The following ACOXL variants were observed in gnomAD, a reference collection of about 807,000 sequenced individuals.
ACOXL encodes acyl-CoA oxidase like.
In ACOXL, 70 loss-of-function variants were observed where a neutral mutation model predicts 71.9. The observed-to-expected ratio is 0.97, with a 90% CI of 0.80 to 1.19. ACOXL has a LOEUF of 1.19. Among genes scored for constraint, ACOXL ranks in the 50% most tolerant of loss-of-function variants. ACOXL has a pLI of 0.00. For synonymous variants in ACOXL, 253 were observed against 281.6 expected (o/e 0.90, Z 1.02); for missense variants, 703 against 736.3 (o/e 0.95, Z 0.52).
At chr2:110,783,718 C>CACATGT (rs1458113555) in intron 2 of ACOXL, among the ~76,000 whole-genome samples, 3 of 152,182 alleles carry the variant, frequency 2.0e-5, no homozygotes, top group African/African-American at 4.8e-5. Context: ...CACATGCACA[C>CACATGT]ACATGTACAT....
At chr2:110,871,106 G>A (rs1695221313) in intron 10 of ACOXL, among the ~76,000 whole-genome samples, 1 of 152,160 alleles carries the variant, frequency 6.6e-6, no homozygotes. Flanking sequence ...GTGGTACCAA[G>A]CAGGTACTGC....
At chr2:110,905,739 G>A (rs546588728) in intron 10 of ACOXL, among the ~76,000 whole-genome samples, 10 of 152,276 alleles carry the variant, frequency 6.6e-5, no homozygotes, top group Non-Finnish European at 1.3e-4. Context: ...CTGAGTTCCA[G>A]CAGATTGCAT....
At chr2:110,843,588 A>G (rs767265378) in intron 10 of ACOXL, among the ~76,000 whole-genome samples, 5 of 152,088 alleles carry the variant, frequency 3.3e-5, no homozygotes, top group Non-Finnish European at 7.4e-5. Flanking sequence ...CAAACTTAGA[A>G]CCTACTCCTC....
chr2:110,879,087 ATAAAG>A (rs980268708), intron 10 of ACOXL, among the ~76,000 whole-genome samples: 4 of 152,090 alleles, frequency 2.6e-5, no homozygotes, highest in African/African-American at 2.4e-5. Context: ...CAAAACAAAA[ATAAAG>A]TAATAGGAAA....
intron 12 of ACOXL, among the ~76,000 whole-genome samples, chr2:110,956,408 A>C (rs138057972): frequency 1.3e-5 from 2 of 152,274 alleles, no homozygotes; most frequent in Non-Finnish European, 2.9e-5. Flanking sequence ...CTGAGAGTGC[A>C]GGGCAGCAGC....
chr2:111,110,882 T>G (rs1382151881), intron 17 of ACOXL, among the ~76,000 whole-genome samples: 1 of 152,210 alleles, frequency 6.6e-6, no homozygotes, highest in Non-Finnish European at 1.5e-5. Flanking sequence ...TTCAGATCAT[T>G]TGGGACAATG....
At chr2:110,890,745 A>C (rs1697835947) in intron 10 of ACOXL, among the ~76,000 whole-genome samples, 1 of 152,106 alleles carries the variant, frequency 6.6e-6, no homozygotes, top group South Asian at 2.1e-4. Flanking sequence ...GAGAAGTGTG[A>C]GTCTTTCAAC....
At chr2:110,985,975 C>A (rs1157354686) in intron 12 of ACOXL, among the ~76,000 whole-genome samples, 1 of 152,164 alleles carries the variant, frequency 6.6e-6, no homozygotes, top group African/African-American at 2.4e-5. Context: ...CTGTATCAAT[C>A]AAGTTCGTGG....
At chr2:110,992,408 G>C (rs1412635775) in intron 13 of ACOXL, among the ~76,000 whole-genome samples, 3 of 152,300 alleles carry the variant, frequency 2.0e-5, no homozygotes, top group Non-Finnish European at 4.4e-5. Flanking sequence ...CAGTTACTAG[G>C]GGCTCTGTCT....
At chr2:110,754,504 C>G (rs1679417438) in intron 1 of ACOXL, among the ~76,000 whole-genome samples, 1 of 152,216 alleles carries the variant, frequency 6.6e-6, no homozygotes, top group African/African-American at 2.4e-5. Context: ...CTAACCCCAG[C>G]AGCAACTGAT....
At chr2:110,756,901 GC>G (rs1197161232) in intron 1 of ACOXL, among the ~76,000 whole-genome samples, 1 of 151,440 alleles carries the variant, frequency 6.6e-6, no homozygotes, top group African/African-American at 2.4e-5. Flanking sequence ...TTTTTCTTCA[GC>G]TTTTTTTAAA....
chr2:110,911,812 A>T (rs148628578), intron 11 of ACOXL, among the ~76,000 whole-genome samples: 1 of 152,232 alleles, frequency 6.6e-6, no homozygotes, highest in East Asian at 1.9e-4. Context: ...CAAAACAAGG[A>T]TATCTAATTT....
chr2:110,958,796 C>T (rs962613496), intron 12 of ACOXL, among the ~76,000 whole-genome samples: 1 of 152,318 alleles, frequency 6.6e-6, no homozygotes, highest in South Asian at 2.1e-4. Context: ...CATCCTGGGA[C>T]ACCAAGGAGC....
chr2:110,806,293 C>T (rs987122370), intron 9 of ACOXL, among the ~76,000 whole-genome samples: 1 of 152,214 alleles, frequency 6.6e-6, no homozygotes, highest in Non-Finnish European at 1.5e-5. Context: ...CGCGGCCTGG[C>T]CTCGTGCCCG....
intron 12 of ACOXL, among the ~76,000 whole-genome samples, chr2:110,948,310 A>G (rs1051939581): frequency 6.6e-6 from 1 of 152,228 alleles, no homozygotes; most frequent in Non-Finnish European, 1.5e-5. Flanking sequence ...ATGATTGCAT[A>G]GGGAACGCTG....
At chr2:110,914,139 A>G (rs2059751439) in intron 11 of ACOXL, among the ~76,000 whole-genome samples, 1 of 152,218 alleles carries the variant, frequency 6.6e-6, no homozygotes, top group Non-Finnish European at 1.5e-5. Context: ...AAAAATATGA[A>G]TGCTGTGGTA....
chr2:110,851,886 C>G (rs751482194), intron 10 of ACOXL, among the ~76,000 whole-genome samples: 5 of 152,264 alleles, frequency 3.3e-5, no homozygotes, highest in Admixed American at 3.3e-4. Context: ...GCTCCATGTT[C>G]TGTCCTGGCC....
chr2:111,109,627 G>T (rs894811203), intron 17 of ACOXL, among the ~76,000 whole-genome samples: 1 of 144,050 alleles, frequency 6.9e-6, no homozygotes, highest in Non-Finnish European at 1.5e-5. Context: ...ATTTATCTCA[G>T]AAAATATCCC....
At chr2:110,819,729 TC>T (rs1688380917) in intron 9 of ACOXL, among the ~76,000 whole-genome samples, 1 of 152,232 alleles carries the variant, frequency 6.6e-6, no homozygotes. Flanking sequence ...CACATCATTT[TC>T]TTTAATTCTT....
Sources: allele counts gnomAD v4.1 joint callset (sites outside exome capture counted in the v4.1 genomes callset), GRCh38; gene constraint gnomAD v4.1.1; transcripts MANE v1.5; gene names NCBI Gene and HGNC (gene_info 2026-07-23, HGNC 2026-07-21).